METTL24: variants seen among roughly 807,000 people sequenced by gnomAD.
METTL24 encodes probable methyltransferase-like protein 24.
In METTL24, 29 loss-of-function variants were observed where a neutral mutation model predicts 32.7. The ratio of observed to expected loss-of-function variants is 0.89; its 90% confidence interval spans 0.66 to 1.21. The LOEUF is 1.21. Among genes scored for constraint, METTL24 ranks in the 50% most tolerant of loss-of-function variants. The pLI is 0.00. For missense variants in METTL24, 439 were observed against 468.1 expected (o/e 0.94, Z 0.57); for synonymous variants, 163 against 179.5 (o/e 0.91, Z 0.73).
At chr6:110,318,651 C>CAAAAAAAAAAAAAAAAAAAAAAAAAAAAA (rs56890760) in intron 2 of METTL24, among the ~76,000 whole-genome samples, 1 of 90,580 alleles carries the variant, frequency 1.1e-5, no homozygotes, top group African/African-American at 3.5e-5. Context: ...GACTCTACCT[C>CAAAAAAAAAAAAAAAAAAAAAAAAAAAAA]AAAAAAAAAA....
At chr6:110,309,000 G>A (rs1159571896) in intron 3 of METTL24, among the ~76,000 whole-genome samples, 1 of 152,118 alleles carries the variant, frequency 6.6e-6, no homozygotes, top group African/African-American at 2.4e-5. Context: ...CTGCTACTGG[G>A]TACAGAGGCT....
Position 110,358,067 on chromosome 6 carries a change from C to A in METTL24, c.206G>T (p.Ser69Ile), listed in dbSNP as rs1772735089. 3 of 1,024,976 alleles carry A rather than the reference C, an allele frequency of 2.9e-6. No homozygotes were observed. The highest frequency in any genetic ancestry group is 3.5e-5 in the African/African-American group (2 of 57,910). 63.5% of individuals were successfully genotyped at this position (1,024,976 alleles called of 1,614,324 possible). A position where few individuals can be genotyped will look rare whatever the true frequency, so the allele number is the denominator to read the frequency against. ...PPAPGQPRGA[S>I]RRQVTYVRSG... ...GCGCACGTAGGTCACCTGCCTCCTG[C>A]TGGCGCCGCGCGGCTGGCCCGGCGC... is the stretch of plus-strand genomic sequence containing the variant. The change falls in exon 1 of 5, where the codon AGC becomes ATC. Residue 69 changes from serine to isoleucine, a missense_variant. Ser to Ile is a moderately radical substitution (Grantham distance 142). Transcript: ENST00000338882.
chr6:110,313,899 C>A (rs536292844), intron 3 of METTL24, among the ~76,000 whole-genome samples: 1 of 152,328 alleles, frequency 6.6e-6, no homozygotes, highest in Non-Finnish European at 1.5e-5. Context: ...ATGTGCCAAG[C>A]TCCACCAATA....
chr6:110,299,453 AAAG>A (rs1771482625), intron 3 of METTL24, among the ~76,000 whole-genome samples: 1 of 152,188 alleles, frequency 6.6e-6, no homozygotes, highest in Non-Finnish European at 1.5e-5. Context: ...GCAATGAAAC[AAAG>A]AAGACTATCC....
chr6:110,301,356 C>A (rs1771514002), intron 3 of METTL24, among the ~76,000 whole-genome samples: 1 of 152,290 alleles, frequency 6.6e-6, no homozygotes, highest in Admixed American at 6.5e-5. Flanking sequence ...CTCCTTCAAC[C>A]CTGCACCATC....
intron 4 of METTL24, among the ~76,000 whole-genome samples, chr6:110,270,498 A>G (rs1455836032): frequency 2.6e-5 from 4 of 152,126 alleles, no homozygotes; most frequent in Non-Finnish European, 5.9e-5. Context: ...ACACCTTCCC[A>G]AAATAAAATG....
chr6:110,270,355 G>C (rs949652748), intron 4 of METTL24, among the ~76,000 whole-genome samples: 31 of 151,734 alleles, frequency 2.0e-4, no homozygotes, highest in African/African-American at 7.3e-4. Flanking sequence ...ACTGGAGCTG[G>C]TTGTGGGGGG....
intron 2 of METTL24, among the ~76,000 whole-genome samples, chr6:110,320,741 T>C (rs1049670795): frequency 2.0e-5 from 3 of 152,186 alleles, no homozygotes; most frequent in African/African-American, 7.2e-5. Context: ...GAACAGTTCC[T>C]GGCACCTTGT....
intron 4 of METTL24, among the ~76,000 whole-genome samples, chr6:110,280,852 T>C (rs1771124380): frequency 6.6e-6 from 1 of 152,064 alleles, no homozygotes; most frequent in African/African-American, 2.4e-5. Flanking sequence ...AAAGTTTCAC[T>C]GTGTTGCCCA....
At chr6:110,256,760 T>C (rs1778392497) in intron 4 of METTL24, among the ~76,000 whole-genome samples, 1 of 152,186 alleles carries the variant, frequency 6.6e-6, no homozygotes, top group Non-Finnish European at 1.5e-5. Flanking sequence ...ACAAATGTTG[T>C]GTTCGGGTCT....
intron 4 of METTL24, among the ~76,000 whole-genome samples, chr6:110,259,178 C>T (rs974951886): frequency 4.6e-5 from 7 of 152,060 alleles, no homozygotes; most frequent in Non-Finnish European, 7.4e-5. Flanking sequence ...CATCGCCTCA[C>T]CCGGGAAGCA....
chr6:110,307,400 A>G (rs988545055), intron 3 of METTL24, among the ~76,000 whole-genome samples: 2 of 152,280 alleles, frequency 1.3e-5, no homozygotes, highest in African/African-American at 4.8e-5. Flanking sequence ...AATACATTAT[A>G]GAAAATTTTG....
chr6:110,266,791 C>G (rs1770864952), intron 4 of METTL24, among the ~76,000 whole-genome samples: 1 of 152,084 alleles, frequency 6.6e-6, no homozygotes, highest in Non-Finnish European at 1.5e-5. Flanking sequence ...TTATTTTGAC[C>G]AGCCAAAGGA....
intron 4 of METTL24, among the ~76,000 whole-genome samples, chr6:110,252,720 T>A (rs1222438734): frequency 1.3e-5 from 2 of 152,092 alleles, no homozygotes; most frequent in Non-Finnish European, 2.9e-5. Flanking sequence ...TGGAGGTGAG[T>A]CACAGAGACT....
intron 1 of METTL24, among the ~76,000 whole-genome samples, chr6:110,331,264 C>G (rs1330500100): frequency 6.6e-6 from 1 of 151,910 alleles, no homozygotes; most frequent in Non-Finnish European, 1.5e-5. Context: ...GGGGAAAGAG[C>G]CTTGGGGACC....
At position 110,340,031 on chromosome 6, in the gene METTL24, T is replaced by G. The variant is rs144374344; in HGVS notation, c.319-17159A>C. On this transcript the variant is annotated intron_variant, in intron 1 of 4. Transcript: ENST00000338882. ...CCCACCTTTAAAGACTGTTTTAGCA[T>G]TCATCATTTTAACAGCATAGAACAG... Among the ~76,000 whole-genome samples the G allele has an allele frequency of 1.8e-3, 271 of 152,294 alleles. 1 individual carries two copies. Among genetic ancestry groups the G allele is most frequent in the African/African-American group, 6.4e-3 (264 of 41,560 alleles).
intron 1 of METTL24, among the ~76,000 whole-genome samples, chr6:110,324,832 A>G (rs1771990661): frequency 6.6e-6 from 1 of 152,224 alleles, no homozygotes. Flanking sequence ...ATATTTATTG[A>G]GCCTTAGCCA....
chr6:110,330,668 G>A (rs1274967611), intron 1 of METTL24, among the ~76,000 whole-genome samples: 1 of 152,086 alleles, frequency 6.6e-6, no homozygotes, highest in Non-Finnish European at 1.5e-5. Context: ...GGGCATACAT[G>A]GGATACACAT....
chr6:110,276,447 T>G (rs756412492), intron 4 of METTL24, among the ~76,000 whole-genome samples: 1 of 152,122 alleles, frequency 6.6e-6, no homozygotes, highest in Non-Finnish European at 1.5e-5. Flanking sequence ...TGAGGCTGTG[T>G]CTTAAAAACA....
Sources: allele counts gnomAD v4.1 joint callset (sites outside exome capture counted in the v4.1 genomes callset), GRCh38; gene constraint gnomAD v4.1.1; transcripts MANE v1.5; gene names NCBI Gene and HGNC (gene_info 2026-07-23, HGNC 2026-07-21).